The following GDPD5 variants were observed in gnomAD, a reference collection of about 807,000 sequenced individuals.
GDPD5 encodes glycerophosphodiester phosphodiesterase domain containing 5.
Under a neutral mutation model 75.1 loss-of-function variants are expected in GDPD5, and 48 were observed. That is an observed-to-expected ratio of 0.64 (90% CI 0.51 to 0.81). The LOEUF (loss-of-function observed/expected upper bound fraction) is 0.81, where lower values mean the gene tolerates loss of function less well. Ranked by LOEUF, GDPD5 falls within the 40% of genes least tolerant of loss-of-function variation. GDPD5 has a pLI of 0.00. For synonymous variants in GDPD5, 336 were observed against 339.0 expected (o/e 0.99, Z 0.10); for missense variants, 706 against 822.6 (o/e 0.86, Z 1.73).
At chr11:75,439,056 T>C (rs977092696) in intron 15 of GDPD5, among the ~76,000 whole-genome samples, 8 of 152,028 alleles carry the variant, frequency 5.3e-5, no homozygotes, top group African/African-American at 1.9e-4. Context: ...GGGAGACACT[T>C]TGGTGCAGAG....
chr11:75,442,537 G>C lies in GDPD5; in HGVS notation c.993C>G (p.His331Gln), dbSNP rs986033127. 6.2e-7 allele frequency: 1 copy of C among 1,614,194 alleles called. No homozygotes were observed. The highest frequency in any genetic ancestry group is 8.5e-7 in the Non-Finnish European group (1 of 1,180,040). ...AGATGGACTGGTTCTGGGCCTCTCT[G>C]TGGTCGGAGGGTGACAGGGAGCTGG... ...WTASSLSPSD[H>Q]REAQNQSICS... Residue 331 changes from histidine to glutamine, a missense_variant, in exon 12 of 17, where the codon CAC becomes CAG. Coordinates refer to ENST00000336898, the MANE Select transcript of GDPD5 (RefSeq NM_030792.8).
At chr11:75,466,513 G>A (rs906402470) in intron 3 of GDPD5, among the ~76,000 whole-genome samples, 1 of 152,156 alleles carries the variant, frequency 6.6e-6, no homozygotes, top group Admixed American at 6.5e-5. Flanking sequence ...AGCCAATCTG[G>A]CCCTGCTCCC....
chr11:75,445,280 G>T (rs1222409783), intron 9 of GDPD5, among the ~76,000 whole-genome samples: 1 of 152,094 alleles, frequency 6.6e-6, no homozygotes, highest in Non-Finnish European at 1.5e-5. Flanking sequence ...TTCCCAAATA[G>T]CTGGGACTAC....
Position 75,441,075 on chromosome 11 carries a change from C to G in GDPD5, c.1473+88G>C. On this transcript the variant is annotated intron_variant, in intron 14 of 16. Coordinates refer to ENST00000336898, the MANE Select transcript of GDPD5 (RefSeq NM_030792.8). ...CATGCTAGAGACCTCCCAGGGACAG[C>G]TCCAAGCACAGAGCTTGCCGAGTGG... 4 of 1,366,946 alleles carry G rather than the reference C, an allele frequency of 2.9e-6. No homozygotes were observed. The South Asian group carries it at 5.0e-5, about 17-fold the overall frequency. 84.7% of individuals were successfully genotyped at this position (1,366,946 alleles called of 1,614,324 possible). A position where few individuals can be genotyped will look rare whatever the true frequency, so the allele number is the denominator to read the frequency against.
At chr11:75,500,653 A>T (rs894563049) in intron 1 of GDPD5, among the ~76,000 whole-genome samples, 1 of 151,952 alleles carries the variant, frequency 6.6e-6, no homozygotes, top group African/African-American at 2.4e-5. Flanking sequence ...GTATCCTGCA[A>T]CCCTCTGGTC....
chr11:75,445,339 T>C (rs1188223703), intron 9 of GDPD5, among the ~76,000 whole-genome samples: 1 of 152,184 alleles, frequency 6.6e-6, no homozygotes, highest in Non-Finnish European at 1.5e-5. Context: ...GACTCTGCCA[T>C]TAACTATTGT....
At chr11:75,462,150 T>C (rs1312942341) in intron 4 of GDPD5, among the ~76,000 whole-genome samples, 1 of 152,138 alleles carries the variant, frequency 6.6e-6, no homozygotes, top group Admixed American at 6.5e-5. Context: ...CTCTCTGAGC[T>C]GTAGATTTCT....
intron 6 of GDPD5, 98 bp downstream of exon 6, chr11:75,456,659 T>A: frequency 8.7e-7 from 1 of 1,152,436 alleles, no homozygotes; most frequent in South Asian, 1.3e-5. Context: ...ATTCTAACGG[T>A]GATCCAGGGG....
chr11:75,505,332 C>T (rs538511538), intron 1 of GDPD5, among the ~76,000 whole-genome samples: 1 of 152,048 alleles, frequency 6.6e-6, no homozygotes, highest in East Asian at 1.9e-4. Context: ...CAGCTGCCTC[C>T]GGCCCCCAGC....
chr11:75,508,284 A>T (rs1171834269), intron 1 of GDPD5: 1 of 152,268 alleles, frequency 6.6e-6, no homozygotes, highest in African/African-American at 2.4e-5. Context: ...CAGAGACCAC[A>T]GATCAAGTAT....
chr11:75,455,118 C>A (rs1949256430), intron 6 of GDPD5: 2 of 335,718 alleles, frequency 6.0e-6, no homozygotes, highest in South Asian at 2.4e-5. Context: ...ACAATGGGAT[C>A]TGCTTCCTTG....
chr11:75,437,632 G>A (rs1199067325), intron 15 of GDPD5: 1 of 153,084 alleles, frequency 6.5e-6, no homozygotes, highest in Non-Finnish European at 1.5e-5. Context: ...CTGCTGCTCT[G>A]TCCTGGCAGT....
intron 6 of GDPD5, chr11:75,450,555 GC>G: frequency 6.4e-6 from 1 of 155,892 alleles, no homozygotes; most frequent in Middle Eastern, 3.0e-3. Context: ...CATCTCCACG[GC>G]CTGCCCTCTC....
chr11:75,440,498 CCAGT>C (rs1359910817), intron 14 of GDPD5, among the ~76,000 whole-genome samples: 3 of 152,162 alleles, frequency 2.0e-5, no homozygotes, highest in Non-Finnish European at 4.4e-5. Context: ...CTGCAGGTGC[CCAGT>C]CAACCAGCTA....
intron 6 of GDPD5, among the ~76,000 whole-genome samples, chr11:75,454,560 A>G (rs1255113234): frequency 6.6e-6 from 1 of 152,250 alleles, no homozygotes; most frequent in Non-Finnish European, 1.5e-5. Context: ...CGGTCTATCA[A>G]CAGGGAACTG....
chr11:75,499,650 A>G (rs1950271262), intron 1 of GDPD5, among the ~76,000 whole-genome samples: 1 of 152,136 alleles, frequency 6.6e-6, no homozygotes, highest in Non-Finnish European at 1.5e-5. Context: ...AGCAGGGTTG[A>G]ACAAGTTCAC....
chr11:75,472,499 G>A (rs1949690774), intron 3 of GDPD5, among the ~76,000 whole-genome samples: 1 of 152,036 alleles, frequency 6.6e-6, no homozygotes, highest in African/African-American at 2.4e-5. Flanking sequence ...CAGCTCCCAG[G>A]GTGATCTGGG....
At chr11:75,519,653 A>G (rs1193445510) in intron 1 of GDPD5, among the ~76,000 whole-genome samples, 1 of 152,182 alleles carries the variant, frequency 6.6e-6, no homozygotes, top group African/African-American at 2.4e-5. Flanking sequence ...CCCATTTTAC[A>G]TATGGGGAAA....
chr11:75,476,453 A>C (rs893428738), intron 3 of GDPD5, among the ~76,000 whole-genome samples: 1 of 151,592 alleles, frequency 6.6e-6, no homozygotes, highest in Non-Finnish European at 1.5e-5. Context: ...ACCTGAATCC[A>C]TCTGACTCCA....
Sources: gnomAD v4.1 joint callset for allele counts (sites outside exome capture counted in the v4.1 genomes callset) on GRCh38, gnomAD v4.1.1 for gene constraint, MANE v1.5 for transcripts, NCBI Gene and HGNC (gene_info 2026-07-23, HGNC 2026-07-21) for gene names.